The following PTPRD variants were observed in gnomAD, a reference collection of about 807,000 sequenced individuals.
PTPRD encodes the protein receptor-type tyrosine-protein phosphatase delta.
A neutral mutation model predicts 214.5 loss-of-function variants in PTPRD; 34 were observed. That is an observed-to-expected ratio of 0.16 (90% confidence interval 0.12 to 0.21). The LOEUF is 0.21. Ranked by LOEUF, PTPRD falls within the 10% of genes least tolerant of loss-of-function variation. PTPRD has a pLI of 1.00. For missense variants in PTPRD, 2,545 were observed against 2,398.7 expected, an observed-to-expected ratio of 1.06 and a Z score of -1.27; for synonymous variants, 1,128 against 845.7, an observed-to-expected ratio of 1.33 and a Z score of -5.79.
intron 5 of PTPRD, among the ~76,000 whole-genome samples, chr9:9,805,778 G>A (rs1238985681): frequency 6.6e-6 from 1 of 152,054 alleles, no homozygotes; most frequent in Admixed American, 6.6e-5. Context: ...GTTTATCAGC[G>A]TCTTGCTTAA....
chr9:9,452,019 T>C (rs2092295353), intron 8 of PTPRD, among the ~76,000 whole-genome samples: 1 of 151,484 alleles, frequency 6.6e-6, no homozygotes, highest in South Asian at 2.1e-4. Flanking sequence ...AAAATATTTC[T>C]AGAATTGTTG....
At chr9:9,425,775 A>G (rs1337435075) in intron 8 of PTPRD, among the ~76,000 whole-genome samples, 2 of 152,226 alleles carry the variant, frequency 1.3e-5, no homozygotes, top group Non-Finnish European at 1.5e-5. Flanking sequence ...GAAAATCAGC[A>G]TCTTGAACTA....
chr9:8,741,948 G>C (rs1292523529), intron 11 of PTPRD, among the ~76,000 whole-genome samples: 3 of 152,026 alleles, frequency 2.0e-5, no homozygotes, highest in Non-Finnish European at 1.5e-5. Flanking sequence ...CCAATCAAAA[G>C]AAGTAATTAA....
rs954231662 is a variant in PTPRD at position 9,268,761 on chromosome 9, G to A, written c.-202-85398C>T. On this transcript the variant is annotated intron_variant, in intron 9 of 45. Transcript: ENST00000381196. Reference sequence around the variant, plus strand: ...TGCCAAGAATACACAATGGAGAAAGGATAGTGTCTTCAATTATGGTGCCAG... The same window carrying A: ...TGCCAAGAATACACAATGGAGAAAGAATAGTGTCTTCAATTATGGTGCCAG... Among the ~76,000 whole-genome samples, 5 of 148,824 alleles carry A rather than the reference G, an allele frequency of 3.4e-5. No individual in the cohort carries two copies. In the Admixed American group the frequency reaches 3.4e-4, roughly 10 times the overall value.
chr9:9,836,159 T>C (rs2056690458), intron 5 of PTPRD, among the ~76,000 whole-genome samples: 1 of 151,892 alleles, frequency 6.6e-6, no homozygotes, highest in Admixed American at 6.6e-5. Context: ...ATATCAAGAG[T>C]CCAGGATTAG....
intron 2 of PTPRD, among the ~76,000 whole-genome samples, chr9:10,536,882 T>C (rs1195303533): frequency 6.6e-6 from 1 of 152,184 alleles, no homozygotes; most frequent in African/African-American, 2.4e-5. Context: ...AATTAGTAAT[T>C]GGCAATGCTT....
chr9:10,040,511 T>C (rs1318957912), intron 3 of PTPRD, among the ~76,000 whole-genome samples: 1 of 152,024 alleles, frequency 6.6e-6, no homozygotes, highest in Non-Finnish European at 1.5e-5. Flanking sequence ...CCCTTGTTTT[T>C]CCAAATAACC....
At chr9:9,582,758 A>C (rs1163266229) in intron 7 of PTPRD, among the ~76,000 whole-genome samples, 2 of 152,048 alleles carry the variant, frequency 1.3e-5, no homozygotes, top group Non-Finnish European at 2.9e-5. Context: ...TGGAGGCTCA[A>C]ATTTGTCTGA....
chr9:8,674,053 T>C (rs963432141), intron 12 of PTPRD, among the ~76,000 whole-genome samples: 5 of 152,140 alleles, frequency 3.3e-5, no homozygotes, highest in Non-Finnish European at 5.9e-5. Context: ...CTGTGTCACA[T>C]TGCTGGAGCT....
At chr9:10,170,087 A>T (rs1431437495) in intron 3 of PTPRD, among the ~76,000 whole-genome samples, 3 of 152,206 alleles carry the variant, frequency 2.0e-5, no homozygotes, top group Non-Finnish European at 4.4e-5. Flanking sequence ...CATATCAAGA[A>T]TTTCAAAGAA....
intron 9 of PTPRD, among the ~76,000 whole-genome samples, chr9:9,296,224 T>C (rs1952981881): frequency 6.6e-6 from 1 of 151,792 alleles, no homozygotes; most frequent in Non-Finnish European, 1.5e-5. Flanking sequence ...CATATTACAG[T>C]TCAGGTTTAT....
At chr9:9,404,100 G>C (rs1799112068) in intron 8 of PTPRD, among the ~76,000 whole-genome samples, 1 of 152,084 alleles carries the variant, frequency 6.6e-6, no homozygotes. Context: ...AAGCAGAACA[G>C]AGTGGTAAAA....
At chr9:8,459,538 T>C (rs2096320841) in intron 33 of PTPRD, among the ~76,000 whole-genome samples, 2 of 152,088 alleles carry the variant, frequency 1.3e-5, no homozygotes, top group Admixed American at 1.3e-4. Flanking sequence ...TATAATTATA[T>C]TCTTAAGACA....
intron 9 of PTPRD, among the ~76,000 whole-genome samples, chr9:9,322,256 A>G (rs936498585): frequency 3.1e-4 from 47 of 152,292 alleles, no homozygotes; most frequent in African/African-American, 1.1e-3. Context: ...TTCGTATTCT[A>G]CTAAACTTTG....
rs371964661 is a variant in PTPRD, at chr9:9,971,280, A to C, written c.-471-32670T>G. ...AAAGCAGCTGAACAGGTTGAAATAAATACAGATGGATTTAAATTCACTAGG... is the reference window on the plus strand; with the variant it reads ...AAAGCAGCTGAACAGGTTGAAATAACTACAGATGGATTTAAATTCACTAGG... On this transcript the variant is annotated intron_variant, in intron 4 of 45. Coordinates refer to ENST00000381196, the MANE Select transcript of PTPRD (RefSeq NM_002839.4). Among the ~76,000 whole-genome samples, 3 of 152,224 alleles carry C rather than the reference A, an allele frequency of 2.0e-5. No homozygotes were observed. The South Asian group carries it at 6.2e-4, about 31-fold the overall frequency.
intron 3 of PTPRD, among the ~76,000 whole-genome samples, chr9:10,146,818 A>T (rs1342501842): frequency 6.6e-6 from 1 of 152,122 alleles, no homozygotes; most frequent in Non-Finnish European, 1.5e-5. Flanking sequence ...GAGATGCTGA[A>T]GTTTTAGTCG....
intron 4 of PTPRD, among the ~76,000 whole-genome samples, chr9:9,984,498 A>C (rs548303055): frequency 2.5e-4 from 38 of 152,262 alleles, no homozygotes; most frequent in Admixed American, 1.4e-3. Flanking sequence ...GTAGTAAGCA[A>C]CATTCAGAGT....
intron 4 of PTPRD, among the ~76,000 whole-genome samples, chr9:9,959,767 A>T (rs901645710): frequency 7.2e-5 from 11 of 152,218 alleles, no homozygotes; most frequent in African/African-American, 2.4e-4. Context: ...ATGGAACTGA[A>T]TAAATGGACA....
intron 2 of PTPRD, among the ~76,000 whole-genome samples, chr9:10,570,579 C>T (rs2067115857): frequency 6.6e-6 from 1 of 152,152 alleles, no homozygotes; most frequent in African/African-American, 2.4e-5. Flanking sequence ...TACACACACA[C>T]ACACACATTC....
Sources: allele counts gnomAD v4.1 joint callset (sites outside exome capture counted in the v4.1 genomes callset), GRCh38; gene constraint gnomAD v4.1.1; transcripts MANE v1.5; gene names NCBI Gene and HGNC (gene_info 2026-07-23, HGNC 2026-07-21).